Variants in SLC24A2 observed in about 807,000 individuals in gnomAD.
SLC24A2 encodes the protein sodium/potassium/calcium exchanger 2.
Under a neutral mutation model 62.0 loss-of-function variants are expected in SLC24A2, and 36 were observed. That is an observed-to-expected ratio of 0.58 (90% confidence interval 0.44 to 0.77). The LOEUF (loss-of-function observed/expected upper bound fraction) is 0.77, where lower values mean the gene tolerates loss of function less well. Among genes scored for constraint, SLC24A2 ranks in the 30% least tolerant of loss-of-function variants. The pLI is 0.00. For missense variants in SLC24A2, 846 were observed against 817.9 expected, an observed-to-expected ratio of 1.03 and a Z score of -0.42; for synonymous variants, 358 against 294.0, an observed-to-expected ratio of 1.22 and a Z score of -2.23.
intron 1 of SLC24A2, chr9:19,788,665 C>A (rs936178199): frequency 1.0e-6 from 1 of 985,156 alleles, no homozygotes; most frequent in Admixed American, 6.1e-5. Context: ...CCACGCCCCC[C>A]ATCCCAAGCC....
chr9:20,102,528 G>T, the SLC24A2 span, among the ~76,000 whole-genome samples: 1 of 151,908 alleles, frequency 6.6e-6, no homozygotes, highest in African/African-American at 2.4e-5. Flanking sequence ...AGCATAAGGA[G>T]AAATACCTAA....
At chr9:19,700,547 G>T (rs1044449021) in intron 2 of SLC24A2, among the ~76,000 whole-genome samples, 1 of 152,138 alleles carries the variant, frequency 6.6e-6, no homozygotes, top group Non-Finnish European at 1.5e-5. Flanking sequence ...ATCAATGTGA[G>T]GACTGTGGAC....
chr9:19,885,302 G>A, the SLC24A2 span, among the ~76,000 whole-genome samples: 1 of 152,196 alleles, frequency 6.6e-6, no homozygotes, highest in Non-Finnish European at 1.5e-5. Context: ...GTTCTTCAAA[G>A]GAAGGGGAGC....
chr9:19,916,711 A>G, the SLC24A2 span, among the ~76,000 whole-genome samples: 2 of 151,980 alleles, frequency 1.3e-5, no homozygotes, highest in Non-Finnish European at 1.5e-5. Flanking sequence ...GCATTCTATT[A>G]TATGGATGTA....
At chr9:19,966,009 G>C in the SLC24A2 span, among the ~76,000 whole-genome samples, 1 of 152,078 alleles carries the variant, frequency 6.6e-6, no homozygotes, top group Non-Finnish European at 1.5e-5. Flanking sequence ...GTTCTCTTTA[G>C]GTAGCATCAC....
the SLC24A2 span, among the ~76,000 whole-genome samples, chr9:19,962,589 A>G: frequency 0.5 from 76,159 of 151,940 alleles, 19,924 homozygotes; most frequent in Non-Finnish European, 0.58. Flanking sequence ...GTCCCTTGTA[A>G]GTTGGATTCC....
At chr9:19,612,258 A>G (rs1837195758) in intron 4 of SLC24A2, among the ~76,000 whole-genome samples, 1 of 152,214 alleles carries the variant, frequency 6.6e-6, no homozygotes. Flanking sequence ...AATAACATTT[A>G]GCATTTAACT....
chr9:19,972,827 C>A, the SLC24A2 span, among the ~76,000 whole-genome samples: 1 of 151,374 alleles, frequency 6.6e-6, no homozygotes, highest in African/African-American at 2.5e-5. Context: ...AGTGAGCAAC[C>A]TTGCCAAAGT....
the SLC24A2 span, among the ~76,000 whole-genome samples, chr9:20,287,490 C>G: frequency 1.3e-5 from 2 of 152,246 alleles, no homozygotes; most frequent in Admixed American, 6.5e-5. Flanking sequence ...ATTCTGATAA[C>G]CACAGAACAA....
chr9:19,773,587 A>G (rs760098319), intron 2 of SLC24A2, among the ~76,000 whole-genome samples: 16 of 152,224 alleles, frequency 1.1e-4, no homozygotes, highest in Non-Finnish European at 2.1e-4. Flanking sequence ...ACTTTTTATC[A>G]TGAACACTCA....
upstream of SLC24A2, among the ~76,000 whole-genome samples, chr9:19,790,796 C>T (rs547564680): frequency 6.6e-6 from 1 of 152,140 alleles, no homozygotes; most frequent in Admixed American, 6.5e-5. Flanking sequence ...GTTTAACAAT[C>T]CTATTCTTCC....
the SLC24A2 span, among the ~76,000 whole-genome samples, chr9:20,002,451 G>C: frequency 6.6e-6 from 1 of 150,524 alleles, no homozygotes; most frequent in Non-Finnish European, 1.5e-5. Flanking sequence ...AATCTACTCA[G>C]GGTATAATCA....
Position 19,684,865 on chromosome 9 carries a change from G to A in SLC24A2, c.931-62566C>T, listed in dbSNP as rs1327963739. 2.0e-5 allele frequency among the ~76,000 whole-genome samples: 3 copies of A among 152,104 alleles called. No individual in the cohort carries two copies. The South Asian group carries it at 6.2e-4, about 32-fold the overall frequency. ...TCCTAGCCAGAGCAAGCAGGCAAGA[G>A]AAAGAAATAAAAGGCATCCAAATAG... On this transcript the variant is annotated intron_variant, in intron 2 of 10. Transcript: ENST00000341998.
chr9:20,285,635 A>G, the SLC24A2 span, among the ~76,000 whole-genome samples: 8 of 152,198 alleles, frequency 5.3e-5, no homozygotes, highest in Admixed American at 4.6e-4. Flanking sequence ...TTAAATGTTA[A>G]TCTCATCCAA....
the SLC24A2 span, among the ~76,000 whole-genome samples, chr9:20,301,018 A>G: frequency 6.6e-6 from 1 of 152,178 alleles, no homozygotes; most frequent in Non-Finnish European, 1.5e-5. Flanking sequence ...GGAAAACCAC[A>G]AGAAAGGTCT....
chr9:20,180,994 G>A, the SLC24A2 span, among the ~76,000 whole-genome samples: 1 of 152,050 alleles, frequency 6.6e-6, no homozygotes, highest in Non-Finnish European at 1.5e-5. Flanking sequence ...GCTCTCTTTG[G>A]TCATGAGCCC....
At chr9:19,961,373 G>C in the SLC24A2 span, among the ~76,000 whole-genome samples, 1 of 152,168 alleles carries the variant, frequency 6.6e-6, no homozygotes, top group African/African-American at 2.4e-5. Context: ...CTTTGTTTTT[G>C]ACAGTATTTC....
chr9:19,551,770 G>A lies in SLC24A2; in HGVS notation c.1348-1502C>T, dbSNP rs147129283. Among the ~76,000 whole-genome samples the A allele has an allele frequency of 5.9e-5, 9 of 152,200 alleles. No homozygotes were observed. The South Asian group carries it at 8.3e-4, about 14-fold the overall frequency. On this transcript the variant is annotated intron_variant, in intron 7 of 10. Coordinates refer to ENST00000341998, the MANE Select transcript of SLC24A2 (RefSeq NM_020344.4). ...AGAGGTCAGGGCTGGGTGAGAGGCC[G>A]GGCTCACAGCAATGCTATGTCTTGT...
At chr9:19,805,573 A>G in the SLC24A2 span, among the ~76,000 whole-genome samples, 3 of 152,200 alleles carry the variant, frequency 2.0e-5, no homozygotes, top group Non-Finnish European at 2.9e-5. Context: ...ACCTTTGAAT[A>G]GTACCTGACA....
Sources: allele counts gnomAD v4.1 joint callset (sites outside exome capture counted in the v4.1 genomes callset), GRCh38; gene constraint gnomAD v4.1.1; transcripts MANE v1.5; gene names NCBI Gene and HGNC (gene_info 2026-07-23, HGNC 2026-07-21).